The following PRPF19 variants were observed in gnomAD, a reference collection of about 807,000 sequenced individuals.
PRPF19 encodes the protein pre-mRNA-processing factor 19.
In PRPF19, 2 loss-of-function variants were observed where a neutral mutation model predicts 64.2. That is an observed-to-expected ratio of 0.03 (90% CI 0.01 to 0.10). The LOEUF (loss-of-function observed/expected upper bound fraction) is 0.10, where lower values mean the gene tolerates loss of function less well. PRPF19 is among the 10% of genes least tolerant of loss of function. PRPF19 has a pLI of 1.00. For missense variants in PRPF19, 314 were observed against 650.0 expected (o/e 0.48, Z 5.62); for synonymous variants, 226 against 251.6 (o/e 0.90, Z 0.96).
chr11:60,902,812 C>A lies in PRPF19; in HGVS notation c.316G>T (p.Ala106Ser). 1 of 1,614,072 alleles carries A rather than the reference C, an allele frequency of 6.2e-7. No individual in the cohort carries two copies. Among genetic ancestry groups the A allele is most frequent in the Admixed American group, 1.7e-5 (1 of 60,008 alleles). The change falls in exon 4 of 16, where the codon GCT becomes TCT. Residue 106 changes from alanine (A) to serine (S), a missense_variant. Ala to Ser is a moderately conservative substitution (Grantham distance 99). Coordinates refer to ENST00000227524, the MANE Select transcript of PRPF19 (RefSeq NM_014502.5). This position sits in a 1 kb window ranked among gnomAD's most constrained non-coding sequence, Gnocchi z 5.0. ...CAGGCGGCATCGTGCTGGTACAGAG[C>A]GTGTGACAGCTCTTGGCGGGTTGTC... ...LQTTRQELSH[A>S]LYQHDAACRV...
chr11:60,899,394 C>G, intron 10 of PRPF19, 90 bp from the exon 11 acceptor site: 2 of 1,364,178 alleles, frequency 1.5e-6, no homozygotes, highest in Non-Finnish European at 2.0e-6. Context: ...ATGCCCACAA[C>G]TGCCAACAAT....
At chr11:60,905,955 C>T (rs1233752140) in intron 1 of PRPF19, among the ~76,000 whole-genome samples, 1 of 152,236 alleles carries the variant, frequency 6.6e-6, no homozygotes, top group Non-Finnish European at 1.5e-5. Context: ...CACTGCAATG[C>T]TCTCGATTTT....
chr11:60,906,408 C>A lies in PRPF19; in HGVS notation c.-26G>T, dbSNP rs1280919211. 2 of 1,562,108 alleles carry A rather than the reference C, an allele frequency of 1.3e-6. No homozygotes were observed. Among genetic ancestry groups the A allele is most frequent in the Admixed American group, 1.9e-5 (1 of 53,604 alleles). ...GGCGCCGTCACCGTGCTCCGAGGCG[C>A]CACACGCCGGGCTCCGGGACTAGCT... On this transcript the variant is annotated 5_prime_UTR_variant, in exon 1 of 16. Coordinates refer to ENST00000227524, the MANE Select transcript of PRPF19 (RefSeq NM_014502.5).
At chr11:60,893,404 T>C (rs1241235922) in intron 15 of PRPF19, among the ~76,000 whole-genome samples, 1 of 151,364 alleles carries the variant, frequency 6.6e-6, no homozygotes, top group African/African-American at 2.4e-5. Flanking sequence ...CTCGGGAGGC[T>C]GAGGCAGGAG....
Position 60,893,148 on chromosome 11 carries a change from G to A in PRPF19, c.1418-1885C>T, listed in dbSNP as rs1051751416. On this transcript the variant is annotated intron_variant, in intron 15 of 15. Coordinates refer to ENST00000227524, the MANE Select transcript of PRPF19 (RefSeq NM_014502.5). Reference sequence around the variant, plus strand: ...TGTCACAATGCAATGCATTATTCACGTTTGTGGGGATACAGGTATAAACAA... The same window carrying A: ...TGTCACAATGCAATGCATTATTCACATTTGTGGGGATACAGGTATAAACAA... Among the ~76,000 whole-genome samples the A allele has an allele frequency of 5.3e-5, 8 of 152,154 alleles. 1 individual carries two copies. The South Asian group carries it at 6.2e-4, about 12-fold the overall frequency.
intron 15 of PRPF19, among the ~76,000 whole-genome samples, chr11:60,895,049 C>T (rs1026303601): frequency 2.6e-5 from 4 of 152,332 alleles, no homozygotes; most frequent in Admixed American, 2.6e-4. Context: ...AAGGGCCCTA[C>T]AATTTTCAGA....
Position 60,902,527 on chromosome 11 carries a change from G to A in PRPF19, c.462+56C>T. ...CACCAAAGACACCTGCATAAGGACA[G>A]TTCTGTGGGCCACTGTACACAAATG... is the stretch of plus-strand genomic sequence containing the variant. On this transcript the variant is annotated intron_variant, in intron 5 of 15. Transcript: ENST00000227524. The surrounding 1 kb of genome is among the most constrained non-coding windows in gnomAD (Gnocchi z 5.0). The A allele has an allele frequency of 6.2e-7, 1 of 1,606,680 alleles. No homozygotes were observed. Among genetic ancestry groups the A allele is most frequent in the African/African-American group, 1.3e-5 (1 of 74,912 alleles).
chr11:60,902,289 G>T lies in PRPF19; in HGVS notation c.525+114C>A. The T allele has an allele frequency of 1.7e-6, 2 of 1,188,626 alleles. No individual in the cohort carries two copies. Among genetic ancestry groups the T allele is most frequent in the Non-Finnish European group, 2.4e-6 (2 of 816,794 alleles). The allele number at this position is 1,188,626 out of a possible 1,614,324, so 73.6% of individuals were successfully genotyped here. On this transcript the variant is annotated intron_variant, in intron 6 of 15. Coordinates refer to ENST00000227524, the MANE Select transcript of PRPF19 (RefSeq NM_014502.5). This position sits in a 1 kb window ranked among gnomAD's most constrained non-coding sequence, Gnocchi z 5.0. ...CAGGCAATCTGGTCCCAGGGTCCAT[G>T]CTCTGCACCACTCAACTCCCAAAAG...
intron 1 of PRPF19, 142 bp downstream of exon 1, chr11:60,906,222 C>G (rs1055793301): frequency 2.3e-6 from 3 of 1,320,092 alleles, no homozygotes; most frequent in Non-Finnish European, 3.0e-6. Flanking sequence ...GGGGGGGCTC[C>G]GGTGCTGACA....
rs566775454 is a variant in PRPF19, at chr11:60,899,503, A to G, written c.829-199T>C. ...ACGCTATTAAAGTGCTAACTCATAC[A>G]GCATCAGGGCTTGTGGAGGCGTCCT... is the stretch of plus-strand genomic sequence containing the variant. On this transcript the variant is annotated intron_variant, in intron 10 of 15. Transcript: ENST00000227524. Among the ~76,000 whole-genome samples, 8 of 152,368 alleles carry G rather than the reference A, an allele frequency of 5.3e-5. No homozygotes were observed. The East Asian group carries it at 1.5e-3, about 29-fold the overall frequency.
At chr11:60,904,068 G>A (rs1158479087) in intron 1 of PRPF19, among the ~76,000 whole-genome samples, 1 of 152,114 alleles carries the variant, frequency 6.6e-6, no homozygotes. Flanking sequence ...CCTGACTGAG[G>A]AGATAGTCTC....
chr11:60,903,961 C>T, intron 1 of PRPF19, 100 bp from the exon 2 acceptor site: 1 of 1,413,776 alleles, frequency 7.1e-7, no homozygotes, highest in Admixed American at 2.3e-5. Flanking sequence ...GGCATCCTCA[C>T]ACTCAACTAG....
intron 11 of PRPF19, 83 bp downstream of exon 11, chr11:60,899,065 TG>T: frequency 2.6e-6 from 4 of 1,522,986 alleles, no homozygotes; most frequent in Non-Finnish European, 3.6e-6. Flanking sequence ...GGGAACCAGC[TG>T]GGGTGGGAAG....
intron 14 of PRPF19, 39 bp from the exon 15 acceptor site, chr11:60,897,990 A>G (rs1335998333): frequency 1.2e-6 from 2 of 1,610,910 alleles, no homozygotes; most frequent in Admixed American, 3.3e-5. Flanking sequence ...CACAAGGGGA[A>G]CAGAAACTAT....
rs191613416 is a variant in PRPF19, at chr11:60,902,376, C to A, written c.525+27G>T. The A allele has an allele frequency of 1.2e-6, 2 of 1,606,542 alleles. No homozygotes were observed. The highest frequency in any genetic ancestry group is 2.2e-5 in the East Asian group (1 of 44,838). On this transcript the variant is annotated intron_variant, in intron 6 of 15. Transcript: ENST00000227524. This position sits in a 1 kb window ranked among gnomAD's most constrained non-coding sequence, Gnocchi z 5.0. ...GGTGAAAAGTAAGGGCCCATCAGCA[C>A]TCCCACCAGGTGAGAGCAGGACTTA...
chr11:60,904,191 G>A (rs1358428626), intron 1 of PRPF19, among the ~76,000 whole-genome samples: 2 of 152,154 alleles, frequency 1.3e-5, no homozygotes, highest in Non-Finnish European at 2.9e-5. Context: ...CAATGATTGT[G>A]TACTCTATGA....
intron 1 of PRPF19, 146 bp from the exon 2 acceptor site, chr11:60,904,007 T>G (rs1420686102): frequency 1.1e-6 from 1 of 940,304 alleles, no homozygotes; most frequent in Non-Finnish European, 1.5e-6. Flanking sequence ...GCCAGTTCTG[T>G]ACTGGCCCCA....
chr11:60,897,810 C>G (rs1855938196), intron 15 of PRPF19, 36 bp downstream of exon 15: 1 of 1,585,658 alleles, frequency 6.3e-7, no homozygotes, highest in Non-Finnish European at 8.7e-7. Flanking sequence ...GCCTGGGCAC[C>G]TAGAGAGATC....
At chr11:60,901,888 T>C (rs1855987465) in intron 6 of PRPF19, among the ~76,000 whole-genome samples, 1 of 152,128 alleles carries the variant, frequency 6.6e-6, no homozygotes, top group Non-Finnish European at 1.5e-5. Flanking sequence ...TGCTGACAAT[T>C]TGAACTGCTC....
Sources: gnomAD v4.1 joint callset for allele counts (sites outside exome capture counted in the v4.1 genomes callset) on GRCh38, gnomAD v4.1.1 for gene constraint, Gnocchi (gnomAD v3.1) non-coding constraint, MANE v1.5 for transcripts, NCBI Gene and HGNC (gene_info 2026-07-23, HGNC 2026-07-21) for gene names.